AK9: variants seen among roughly 807,000 people sequenced by gnomAD.
AK9 encodes the protein adenylate kinase 9.
A neutral mutation model predicts 239.6 loss-of-function variants in AK9; 191 were observed. That is an observed-to-expected ratio of 0.80 (90% CI 0.71 to 0.90). The LOEUF (loss-of-function observed/expected upper bound fraction) is 0.90. AK9 is among the 40% of genes least tolerant of loss of function. The probability of loss-of-function intolerance (pLI) is 0.00; values close to 1 mark genes in which losing one functional copy is unlikely to be tolerated. For missense variants in AK9, 1,995 were observed against 2,214.7 expected (o/e 0.90, Z 1.99); for synonymous variants, 689 against 721.0 (o/e 0.96, Z 0.71).
At chr6:109,670,843 T>C (rs1233272258) in intron 5 of AK9, among the ~76,000 whole-genome samples, 1 of 152,184 alleles carries the variant, frequency 6.6e-6, no homozygotes, top group Non-Finnish European at 1.5e-5. Flanking sequence ...ATTTTGCCGT[T>C]CAGTCTCTTT....
intron 5 of AK9, among the ~76,000 whole-genome samples, chr6:109,667,652 G>C (rs183234937): frequency 6.6e-5 from 10 of 152,014 alleles, no homozygotes; most frequent in Admixed American, 3.3e-4. Flanking sequence ...AACATGCGGT[G>C]TTTGGTTTTT....
At chr6:109,632,838 G>A (rs1041412774) in intron 12 of AK9, 85 bp downstream of exon 12, 12 of 1,409,546 alleles carry the variant, frequency 8.5e-6, no homozygotes, top group South Asian at 4.6e-5. Flanking sequence ...AATTATAATC[G>A]AGTATAGATA....
At chr6:109,646,252 T>C (rs557341600) in intron 8 of AK9, among the ~76,000 whole-genome samples, 7 of 152,280 alleles carry the variant, frequency 4.6e-5, no homozygotes, top group African/African-American at 1.2e-4. Flanking sequence ...CTTTGACAAG[T>C]TGACAGAAGT....
intron 21 of AK9, among the ~76,000 whole-genome samples, chr6:109,567,288 A>G (rs1301632757): frequency 1.3e-5 from 2 of 152,182 alleles, no homozygotes; most frequent in African/African-American, 2.4e-5. Context: ...GCCATCAGAG[A>G]ATACTATAAA....
intron 8 of AK9, among the ~76,000 whole-genome samples, chr6:109,646,645 C>G (rs1017249544): frequency 6.6e-6 from 1 of 152,222 alleles, no homozygotes; most frequent in South Asian, 2.1e-4. Flanking sequence ...GGAGAACAGA[C>G]CTAAGTTGGA....
In AK9 at chr6:109,648,753, C is replaced by T. The variant is rs145780841; in HGVS notation, c.760-4065G>A. ...CTAATTCATTTTATGAGGTCAGCAT[C>T]ATCCTGATACCAAAGACTGGCAGAG... On this transcript the variant is annotated intron_variant, in intron 8 of 40. Transcript: ENST00000424296. Among the ~76,000 whole-genome samples, 1,296 of 152,330 alleles carry T rather than the reference C, an allele frequency of 8.5e-3. 16 individuals carry two copies. Among genetic ancestry groups the T allele is most frequent in the Middle Eastern group, 0.051 (15 of 294 alleles).
intron 12 of AK9, among the ~76,000 whole-genome samples, chr6:109,625,444 C>T (rs1795400185): frequency 6.6e-6 from 1 of 152,306 alleles, no homozygotes; most frequent in Non-Finnish European, 1.5e-5. Flanking sequence ...GGGTCTCCCA[C>T]CCTCAGGCCA....
At chr6:109,636,765 C>CACACACACAT (rs1796764517) in intron 10 of AK9, among the ~76,000 whole-genome samples, 1 of 151,116 alleles carries the variant, frequency 6.6e-6, no homozygotes, top group Admixed American at 6.6e-5. Context: ...CACACACACA[C>CACACACACAT]ACACACACAC....
chr6:109,541,558 G>T (rs1782886378), intron 27 of AK9, among the ~76,000 whole-genome samples: 1 of 152,132 alleles, frequency 6.6e-6, no homozygotes, highest in South Asian at 2.1e-4. Context: ...TTACAGGCAT[G>T]TGCCACCACA....
intron 35 of AK9, among the ~76,000 whole-genome samples, chr6:109,501,553 G>T (rs1043400604): frequency 6.6e-6 from 1 of 152,190 alleles, no homozygotes. Flanking sequence ...AATAAGGCAG[G>T]CATTTAAAAC....
At chr6:109,557,413 T>C (rs929693196) in intron 24 of AK9, among the ~76,000 whole-genome samples, 2 of 152,132 alleles carry the variant, frequency 1.3e-5, no homozygotes, top group Non-Finnish European at 2.9e-5. Flanking sequence ...CTGATGCCAG[T>C]AGGATCGCTC....
chr6:109,498,108 T>C (rs994445892), intron 36 of AK9, 143 bp from the exon 37 acceptor site: 2 of 725,112 alleles, frequency 2.8e-6, no homozygotes, highest in Non-Finnish European at 2.2e-6. Context: ...ACCTCTCCTC[T>C]GAAAGGAAGT....
chr6:109,659,569 A>G (rs573316724), intron 6 of AK9, among the ~76,000 whole-genome samples, 156 bp from the exon 7 acceptor site: 1 of 152,322 alleles, frequency 6.6e-6, no homozygotes, highest in South Asian at 2.1e-4. Flanking sequence ...ATCAGGTTTC[A>G]TTACATGCCA....
At chr6:109,585,670 G>T (rs951124091) in intron 18 of AK9, among the ~76,000 whole-genome samples, 11 of 152,092 alleles carry the variant, frequency 7.2e-5, no homozygotes, top group Non-Finnish European at 7.4e-5. Context: ...GTGTGTGTGC[G>T]TGCTAAACTG....
At chr6:109,664,782 C>T (rs1230621075) in intron 5 of AK9, among the ~76,000 whole-genome samples, 5 of 151,726 alleles carry the variant, frequency 3.3e-5, no homozygotes, top group Non-Finnish European at 7.4e-5. Context: ...TGCCTGTAAT[C>T]CCAGCACTTT....
intron 27 of AK9, 139 bp downstream of exon 27, chr6:109,541,908 G>A: frequency 2.8e-6 from 2 of 721,660 alleles, no homozygotes; most frequent in Non-Finnish European, 4.2e-6. Context: ...TTTTTAATGT[G>A]TATCTCAAGT....
chr6:109,675,327 A>T (rs889728142), intron 2 of AK9, among the ~76,000 whole-genome samples: 1 of 152,190 alleles, frequency 6.6e-6, no homozygotes, highest in African/African-American at 2.4e-5. Flanking sequence ...AACATATAAC[A>T]TAGTATTGCG....
rs533328331 is a variant in AK9 at position 109,674,087 on chromosome 6, T to C, written c.181+111A>G. ...TAAAGCAAATATAGCAAAACGTTAA[T>C]CACAGACTCTAGATGGTGAGTATAT... On this transcript the variant is annotated intron_variant, in intron 3 of 40. Coordinates refer to ENST00000424296, the MANE Select transcript of AK9 (RefSeq NM_001145128.3). 176 of 716,728 alleles carry C rather than the reference T, an allele frequency of 2.5e-4. 1 individual carries two copies. Among genetic ancestry groups the C allele is most frequent in the Non-Finnish European group, 3.3e-4 (163 of 493,188 alleles). The allele number at this position is 716,728 out of a possible 1,614,324, so 44.4% of individuals were successfully genotyped here.
chr6:109,661,490 T>C (rs1006651547), intron 6 of AK9, among the ~76,000 whole-genome samples: 2 of 152,200 alleles, frequency 1.3e-5, no homozygotes, highest in African/African-American at 4.8e-5. Flanking sequence ...CTCAATTAGA[T>C]CTTAATTTTC....
Sources: allele counts gnomAD v4.1 joint callset (sites outside exome capture counted in the v4.1 genomes callset), GRCh38; gene constraint gnomAD v4.1.1; transcripts MANE v1.5; gene names NCBI Gene and HGNC (gene_info 2026-07-23, HGNC 2026-07-21).